Variants in KCTD13 observed in about 807,000 individuals in gnomAD.
KCTD13 encodes the protein BTB/POZ domain-containing adapter for CUL3-mediated RhoA degradation protein 1.
In KCTD13, 15 loss-of-function variants were observed where a neutral mutation model predicts 32.3. That is an observed-to-expected ratio of 0.46 (90% CI 0.31 to 0.71). The LOEUF is 0.71. Among genes scored for constraint, KCTD13 ranks in the 30% least tolerant of loss-of-function variants. The probability of loss-of-function intolerance (pLI) is 0.05; values close to 1 mark genes in which losing one functional copy is unlikely to be tolerated. For missense variants in KCTD13, 337 were observed against 452.6 expected, an observed-to-expected ratio of 0.74 and a Z score of 2.32; for synonymous variants, 189 against 200.1, an observed-to-expected ratio of 0.94 and a Z score of 0.47.
Position 29,910,965 on chromosome 16 carries a change from G to A in KCTD13, c.753+13C>T, listed in dbSNP as rs962784394. The A allele has an allele frequency of 6.2e-7, 1 of 1,611,322 alleles. No individual in the cohort carries two copies. On this transcript the variant is annotated intron_variant, in intron 5 of 5. Transcript: ENST00000568000. ...CCCCCAGCCCCCAACATAGGCTCTG[G>A]AGCCCCTCTGACCTTGGTCTGCTTC...
rs571529142 is a variant in KCTD13, at chr16:29,915,647, TG to T, written c.415-3599del. On this transcript the variant is annotated intron_variant, in intron 2 of 5. Transcript: ENST00000568000. Reference sequence around the variant, plus strand: ...AAAGAAAAAGAAAAAAGAAAATCTCTGCAAGGTAAGCCCTTCTCTACTTTGG... The same window carrying T: ...AAAGAAAAAGAAAAAAGAAAATCTCTCAAGGTAAGCCCTTCTCTACTTTGG... Among the ~76,000 whole-genome samples, 17 of 151,966 alleles carry T rather than the reference TG, an allele frequency of 1.1e-4. 1 individual carries two copies. The South Asian group carries it at 3.5e-3, about 32-fold the overall frequency.
chr16:29,920,195 A>G (rs1283386724), intron 2 of KCTD13: 1 of 152,232 alleles, frequency 6.6e-6, no homozygotes, highest in East Asian at 1.9e-4. Flanking sequence ...ATTGTAGTGC[A>G]CACATGTAGT....
chr16:29,923,126 G>T (rs1442372902), intron 2 of KCTD13, 64 bp downstream of exon 2: 2 of 1,561,098 alleles, frequency 1.3e-6, no homozygotes, highest in Admixed American at 1.8e-5. Flanking sequence ...CCTTTTTTCT[G>T]CTCTAATACC....
chr16:29,925,415 A>G (rs1271787242), intron 1 of KCTD13: 3 of 300,378 alleles, frequency 1.0e-5, no homozygotes, highest in Non-Finnish European at 1.9e-5. Context: ...GTCGGAAGAA[A>G]CTGAGGAAGG....
rs540527502 is a variant in KCTD13 at position 29,917,503 on chromosome 16, C to T, written c.415-5454G>A. On this transcript the variant is annotated intron_variant, in intron 2 of 5. Transcript: ENST00000568000. The stretch of plus-strand genomic sequence containing the variant: ...TTCTACAAAAAATACAAAAATTAGA[C>T]GGGTGTGGTGGCTCATGCTTGTAAT... Among the ~76,000 whole-genome samples, 8 of 152,100 alleles carry T rather than the reference C, an allele frequency of 5.3e-5. No individual in the cohort carries two copies. The East Asian group carries it at 5.8e-4, about 11-fold the overall frequency.
chr16:29,925,543 G>A (rs1436188992), intron 1 of KCTD13: 3 of 569,532 alleles, frequency 5.3e-6, no homozygotes, highest in African/African-American at 3.8e-5. Context: ...ACTTACCACA[G>A]CGCCTGGCAG....
At chr16:29,911,937 C>G (rs372064520) in intron 3 of KCTD13, 23 bp downstream of exon 3, 2 of 1,609,788 alleles carry the variant, frequency 1.2e-6, no homozygotes, top group East Asian at 2.2e-5. Context: ...GAGCCTCCAC[C>G]CTGCAGGGCT....
chr16:29,908,392 T>C (rs2068649841), intron 5 of KCTD13, among the ~76,000 whole-genome samples: 1 of 152,246 alleles, frequency 6.6e-6, no homozygotes, highest in African/African-American at 2.4e-5. Context: ...TTTTATTTTT[T>C]ATTTTTTCCT....
At chr16:29,911,708 A>T in intron 4 of KCTD13, 107 bp downstream of exon 4, 1 of 1,211,732 alleles carries the variant, frequency 8.3e-7, no homozygotes, top group Non-Finnish European at 1.2e-6. Flanking sequence ...GAGCAGGCAC[A>T]GATGTTCTTG....
At chr16:29,917,674 G>C (rs2068834302) in intron 2 of KCTD13, among the ~76,000 whole-genome samples, 1 of 151,396 alleles carries the variant, frequency 6.6e-6, no homozygotes, top group South Asian at 2.1e-4. Context: ...AGCTACTCAG[G>C]AGGTTAGGGC....
At chr16:29,923,150 C>A in intron 2 of KCTD13, 40 bp downstream of exon 2, 1 of 1,607,528 alleles carries the variant, frequency 6.2e-7, no homozygotes, top group Non-Finnish European at 8.5e-7. Context: ...TTGGGCAGCT[C>A]TCCCAGGAAC....
chr16:29,907,150 AG>A (rs745780322), intron 5 of KCTD13, 42 bp from the exon 6 acceptor site: 2 of 1,432,066 alleles, frequency 1.4e-6, no homozygotes, highest in Non-Finnish European at 1.9e-6. Flanking sequence ...CTTCTGGTGC[AG>A]TCACGCAGGG....
chr16:29,908,172 C>G (rs748255071), intron 5 of KCTD13, among the ~76,000 whole-genome samples: 31 of 151,950 alleles, frequency 2.0e-4, no homozygotes, highest in Non-Finnish European at 3.7e-4. Context: ...GAAAGAGCAG[C>G]CTGGGGAGGG....
At position 29,911,797 on chromosome 16, in the gene KCTD13, C is replaced by A. The variant is rs201031864; in HGVS notation, c.557+18G>T. On this transcript the variant is annotated intron_variant, in intron 4 of 5. Transcript: ENST00000568000. ...GCATCCCAGGGTCCCGCCCAGTGCC[C>A]CGCACCCCGGCGGTCACCTGGTGTA... is the stretch of plus-strand genomic sequence containing the variant. 1 of 1,612,064 alleles carries A rather than the reference C, an allele frequency of 6.2e-7. No homozygotes were observed. The highest frequency in any genetic ancestry group is 1.1e-5 in the South Asian group (1 of 90,934).
intron 1 of KCTD13, among the ~76,000 whole-genome samples, chr16:29,923,919 A>C (rs1309695842): frequency 2.0e-5 from 3 of 152,058 alleles, no homozygotes; most frequent in Non-Finnish European, 4.4e-5. Flanking sequence ...TGACGCCTGT[A>C]ATCCCAGCAC....
At chr16:29,923,100 G>T in intron 2 of KCTD13, 90 bp downstream of exon 2, 2 of 1,418,546 alleles carry the variant, frequency 1.4e-6, no homozygotes, top group Non-Finnish European at 9.6e-7. Context: ...GGCTCTCCAA[G>T]CCATACCCCA....
At chr16:29,914,205 CA>C (rs2068767970) in intron 2 of KCTD13, 1 of 152,142 alleles carries the variant, frequency 6.6e-6, no homozygotes, top group African/African-American at 2.4e-5. Context: ...GAACGAGCAC[CA>C]GGGGACGAGA....
At chr16:29,922,989 A>C (rs1487389564) in intron 2 of KCTD13, 1 of 572,960 alleles carries the variant, frequency 1.7e-6, no homozygotes, top group Admixed American at 3.1e-5. Context: ...TAACCATTGC[A>C]AAGGTCCTGG....
At chr16:29,907,354 T>C (rs2068631474) in intron 5 of KCTD13, among the ~76,000 whole-genome samples, 2 of 152,228 alleles carry the variant, frequency 1.3e-5, no homozygotes, top group Admixed American at 1.3e-4. Flanking sequence ...TCTTGGTATA[T>C]TTTTTCATTT....
Sources: allele counts gnomAD v4.1 joint callset (sites outside exome capture counted in the v4.1 genomes callset), GRCh38; gene constraint gnomAD v4.1.1; transcripts MANE v1.5; gene names NCBI Gene and HGNC (gene_info 2026-07-23, HGNC 2026-07-21).